Variants in RPAP1 observed in about 807,000 individuals in gnomAD.
RPAP1 encodes RNA polymerase II-associated protein 1.
In RPAP1, 109 loss-of-function variants were observed where a neutral mutation model predicts 142.4. The observed-to-expected ratio is 0.77, with a 90% CI of 0.66 to 0.90. RPAP1 has a LOEUF of 0.90. Ranked by LOEUF, RPAP1 falls within the 40% of genes least tolerant of loss-of-function variation. The pLI is 0.00. For synonymous variants in RPAP1, 704 were observed against 738.9 expected (o/e 0.95, Z 0.77); for missense variants, 1,546 against 1,751.7 (o/e 0.88, Z 2.10).
At chr15:41,535,706 G>A (rs1244215876) in intron 4 of RPAP1, 74 bp from the exon 5 acceptor site, 7 of 1,560,632 alleles carry the variant, frequency 4.5e-6, no homozygotes, top group Non-Finnish European at 5.2e-6. Flanking sequence ...TTATATCAAG[G>A]CCTCTGGAAC....
At chr15:41,543,570 A>G (rs1335534653) in intron 1 of RPAP1, among the ~76,000 whole-genome samples, 1 of 152,102 alleles carries the variant, frequency 6.6e-6, no homozygotes, top group Non-Finnish European at 1.5e-5. Context: ...CAGGTCCTAT[A>G]TAATAGGAAA....
intron 14 of RPAP1, among the ~76,000 whole-genome samples, chr15:41,525,950 G>A (rs375614922): frequency 1.3e-5 from 2 of 150,242 alleles, no homozygotes; most frequent in Admixed American, 1.3e-4. Context: ...CACCGCGCCC[G>A]GCCCTATTAT....
chr15:41,521,638 A>G, intron 21 of RPAP1, 100 bp downstream of exon 21: 1 of 1,360,650 alleles, frequency 7.3e-7, no homozygotes, highest in African/African-American at 1.5e-5. Flanking sequence ...GGTGGAAGAA[A>G]GAGAATTTAG....
In RPAP1 at chr15:41,517,410, C is replaced by A. The variant is rs2051675657; in HGVS notation, c.*132G>T. ...CTAAAACAGCTCAAACAACCTGCTC[C>A]CAGGAAGGCAAGCCTTCTGCTCCTT... On this transcript the variant is annotated 3_prime_UTR_variant, in exon 25 of 25. Transcript: ENST00000304330. 1 of 842,770 alleles carries A rather than the reference C, an allele frequency of 1.2e-6. No homozygotes were observed. Among genetic ancestry groups the A allele is most frequent in the Admixed American group, 2.5e-5 (1 of 39,976 alleles). The allele number at this position is 842,770 out of a possible 1,614,324, so 52.2% of individuals were successfully genotyped here.
chr15:41,527,778 T>C, intron 11 of RPAP1, 82 bp downstream of exon 11: 1 of 1,562,572 alleles, frequency 6.4e-7, no homozygotes, highest in East Asian at 2.2e-5. Context: ...CCGCAAAGCC[T>C]TAGCAATGGG....
chr15:41,517,339 C>T lies in RPAP1; in HGVS notation c.*203G>A, dbSNP rs1002301264. ...GCCACTCTTCACTCCCAGTACAGACCTTCAGAAGCCCCAGATATCAGGATG... is the reference window on the plus strand; with the variant it reads ...GCCACTCTTCACTCCCAGTACAGACTTTCAGAAGCCCCAGATATCAGGATG... On this transcript the variant is annotated 3_prime_UTR_variant, in exon 25 of 25. Transcript: ENST00000304330. 3 of 498,960 alleles carry T rather than the reference C, an allele frequency of 6.0e-6. No homozygotes were observed. The South Asian group carries it at 1.2e-4, about 20-fold the overall frequency. 30.9% of individuals were successfully genotyped at this position (498,960 alleles called of 1,614,324 possible).
In RPAP1 at chr15:41,536,571, TCAGG is replaced by T; in HGVS notation, c.256_259del (p.Pro86ArgfsTer9). 1 of 1,614,160 alleles carries T rather than the reference TCAGG, an allele frequency of 6.2e-7. No homozygotes were observed. ...CAGCCTCTCTTCTGGGTCCTCATCC[TCAGG>T]CAGGCAGTGGCCAGGGCTGGGCCTG... On this transcript the variant is annotated frameshift_variant, in exon 3 of 25. Coordinates refer to ENST00000304330, the MANE Select transcript of RPAP1 (RefSeq NM_015540.4). LOFTEE classifies it high-confidence loss of function.
At chr15:41,527,642 G>T (rs1464850606) in intron 11 of RPAP1, 37 bp from the exon 12 acceptor site, 1 of 1,581,624 alleles carries the variant, frequency 6.3e-7, no homozygotes, top group Admixed American at 1.9e-5. Flanking sequence ...CAATGCTGAA[G>T]GGGCCAGGAA....
At chr15:41,536,802 T>G (rs1403505546) in intron 2 of RPAP1, 143 bp downstream of exon 2, 2 of 1,377,530 alleles carry the variant, frequency 1.5e-6, no homozygotes, top group East Asian at 2.3e-5. Flanking sequence ...ATTTTCTTCC[T>G]CTGTAAAATG....
chr15:41,542,960 G>T (rs16971858), intron 1 of RPAP1, among the ~76,000 whole-genome samples: 11,081 of 152,142 alleles, frequency 0.073, 643 homozygotes, highest in East Asian at 0.34. Context: ...CCATAGTATG[G>T]TAACAATTCA....
rs145324222 is a variant in RPAP1 at position 41,534,930 on chromosome 15, C to T, written c.547G>A (p.Val183Met). Residue 183 changes from valine (V) to methionine (M), a missense_variant, in exon 6 of 25, where the codon GTG becomes ATG. Val to Met is a conservative substitution (Grantham distance 21). Around this residue, in one of 3 missense-constraint regions of RPAP1, gnomAD observed 1,333 missense variants for 1,486.6 expected, o/e 0.90. Coordinates refer to ENST00000304330, the MANE Select transcript of RPAP1 (RefSeq NM_015540.4). ...CTAGGAGTGGGTGTCTCACAGGTCA[C>T]GGCACCTGGAAGAAAGGTATGATCA... ...VPNVGPPEGAVTCETPTPRNQ... is the reference protein window; with the variant it reads ...VPNVGPPEGAMTCETPTPRNQ... 176 of 1,613,980 alleles carry T rather than the reference C, an allele frequency of 1.1e-4. No individual in the cohort carries two copies. The African/African-American group carries it at 1.6e-3, about 15-fold the overall frequency.
chr15:41,537,132 G>C lies in RPAP1; in HGVS notation c.-7C>G. The stretch of plus-strand genomic sequence containing the variant: ...GCTTCGGTCTCGACAGCATCTTGCT[G>C]CTCCAGCTGCCTCCCCAGTACGACT... On this transcript the variant is annotated 5_prime_UTR_variant, in exon 2 of 25. Coordinates refer to ENST00000304330, the MANE Select transcript of RPAP1 (RefSeq NM_015540.4). 1 of 1,612,574 alleles carries C rather than the reference G, an allele frequency of 6.2e-7. No individual in the cohort carries two copies. Among genetic ancestry groups the C allele is most frequent in the Non-Finnish European group, 8.5e-7 (1 of 1,179,358 alleles).
At chr15:41,520,299 G>T in intron 22 of RPAP1, 92 bp downstream of exon 22, 2 of 1,387,486 alleles carry the variant, frequency 1.4e-6, no homozygotes, top group Non-Finnish European at 2.0e-6. Flanking sequence ...AGATGAGGAA[G>T]CTGAGGTCTT....
Position 41,534,721 on chromosome 15 carries a change from G to T in RPAP1, c.756C>A (p.Ala252=), listed in dbSNP as rs749346271. The change falls in exon 6 of 25, where the codon GCC becomes GCA. Residue 252 remains alanine, a synonymous_variant. Transcript: ENST00000304330. ...AAAGCCAGGCACCCATACCAAGCTGGGCCAGCAACCGCTGCTGTTCCTGCA... is the reference window on the plus strand; with the variant it reads ...AAAGCCAGGCACCCATACCAAGCTGTGCCAGCAACCGCTGCTGTTCCTGCA... ...EILQEQQRLL[A]QLDPSLVAFL... The T allele has an allele frequency of 8.7e-6, 14 of 1,613,454 alleles. No individual in the cohort carries two copies. In the South Asian group the frequency reaches 1.3e-4, roughly 15 times the overall value.
chr15:41,527,122 G>T (rs749545851), intron 13 of RPAP1, 45 bp downstream of exon 13: 5 of 1,613,470 alleles, frequency 3.1e-6, no homozygotes, highest in East Asian at 2.2e-5. Context: ...TCAAGACAAG[G>T]CCCAGCTAGG....
At chr15:41,536,007 A>T (rs141091700) in intron 4 of RPAP1, 122 bp downstream of exon 4, 1 of 708,876 alleles carries the variant, frequency 1.4e-6, no homozygotes, top group African/African-American at 1.8e-5. Flanking sequence ...TGAAGTGCTT[A>T]GTATGATCCT....
chr15:41,535,351 C>T (rs909092095), intron 5 of RPAP1, among the ~76,000 whole-genome samples, 161 bp downstream of exon 5: 2 of 152,174 alleles, frequency 1.3e-5, no homozygotes, highest in Non-Finnish European at 2.9e-5. Context: ...GCACCTGAGA[C>T]CCAGATATGG....
Position 41,528,225 on chromosome 15 carries a change from A to C in RPAP1, c.1260+10T>G. 1 of 1,597,936 alleles carries C rather than the reference A, an allele frequency of 6.3e-7. No individual in the cohort carries two copies. The highest frequency in any genetic ancestry group is 8.5e-7 in the Non-Finnish European group (1 of 1,170,888). ...AAGGGTGGGCAGGACCAGGCTGGCAATCCACTCACCCTGCTGATGACCTGG... is the reference window on the plus strand; with the variant it reads ...AAGGGTGGGCAGGACCAGGCTGGCACTCCACTCACCCTGCTGATGACCTGG... On this transcript the variant is annotated intron_variant, in intron 10 of 24. Coordinates refer to ENST00000304330, the MANE Select transcript of RPAP1 (RefSeq NM_015540.4).
chr15:41,527,454 G>A lies in RPAP1; in HGVS notation c.1580C>T (p.Pro527Leu), dbSNP rs777666175. Residue 527 changes from proline (P) to leucine (L), a missense_variant, in exon 12 of 25, where the codon CCA (proline) becomes CTA (leucine). Physicochemically the swap from Pro to Leu is moderately conservative, Grantham distance 98. Transcript: ENST00000304330. Reference sequence around the variant, plus strand: ...GACATCATGTCGGGCCAGGTCAGGTGGAGGCCGGCTTTCTTCTTCAGGGCT... The same window carrying A: ...GACATCATGTCGGGCCAGGTCAGGTAGAGGCCGGCTTTCTTCTTCAGGGCT... ...RKSPEEESRPPPDLARHDVIK... is the reference protein window; with the variant it reads ...RKSPEEESRPLPDLARHDVIK... 8 of 1,614,240 alleles carry A rather than the reference G, an allele frequency of 5.0e-6. No individual in the cohort carries two copies. The South Asian group carries it at 6.6e-5, about 13-fold the overall frequency.
Sources: allele counts gnomAD v4.1 joint callset (sites outside exome capture counted in the v4.1 genomes callset), GRCh38; gene constraint gnomAD v4.1.1; regional missense constraint gnomAD v4.1.1; transcripts MANE v1.5; gene names NCBI Gene and HGNC (gene_info 2026-07-23, HGNC 2026-07-21).